The following GRIP1 variants were observed in gnomAD, a reference collection of about 807,000 sequenced individuals.
The protein encoded by GRIP1 is glutamate receptor-interacting protein 1.
A neutral mutation model predicts 129.9 loss-of-function variants in GRIP1; 45 were observed. The observed-to-expected ratio is 0.35, with a 90% CI of 0.27 to 0.44. The LOEUF (loss-of-function observed/expected upper bound fraction) is 0.44. Ranked by LOEUF, GRIP1 falls within the 20% of genes least tolerant of loss-of-function variation. The probability of loss-of-function intolerance (pLI) is 1.00; values close to 1 mark genes in which losing one functional copy is unlikely to be tolerated. For missense variants in GRIP1, 1,196 were observed against 1,396.8 expected, an observed-to-expected ratio of 0.86 and a Z score of 2.29; for synonymous variants, 530 against 520.8, an observed-to-expected ratio of 1.02 and a Z score of -0.24.
At chr12:66,566,509 T>G (rs552684595) in intron 2 of GRIP1, among the ~76,000 whole-genome samples, 170 of 152,226 alleles carry the variant, frequency 1.1e-3, no homozygotes, top group African/African-American at 4.0e-3. Context: ...ATGTGCTGCT[T>G]GATTCAGTTT....
chr12:66,765,252 T>C (rs1447087082), intron 1 of GRIP1, among the ~76,000 whole-genome samples: 1 of 152,132 alleles, frequency 6.6e-6, no homozygotes, highest in Non-Finnish European at 1.5e-5. Flanking sequence ...CTCGGAGTCA[T>C]TTAGGGCAAT....
chr12:66,934,491 T>C (rs1445187223), intron 1 of GRIP1, among the ~76,000 whole-genome samples: 1 of 152,210 alleles, frequency 6.6e-6, no homozygotes, highest in Non-Finnish European at 1.5e-5. Flanking sequence ...AAAGGGGCGA[T>C]ACAGTCCTGG....
At chr12:66,366,890 C>G (rs1204025218) in intron 23 of GRIP1, among the ~76,000 whole-genome samples, 1 of 152,040 alleles carries the variant, frequency 6.6e-6, no homozygotes, top group Non-Finnish European at 1.5e-5. Flanking sequence ...TGCTACATTG[C>G]CCAGGCTGGC....
intron 11 of GRIP1, among the ~76,000 whole-genome samples, chr12:66,449,821 C>G (rs1205442310): frequency 3.3e-5 from 5 of 152,166 alleles, no homozygotes; most frequent in Non-Finnish European, 7.4e-5. Context: ...GTAACTTCCA[C>G]TTATCTTCTA....
chr12:66,393,626 G>A (rs190901923), intron 17 of GRIP1, among the ~76,000 whole-genome samples: 90 of 152,250 alleles, frequency 5.9e-4, no homozygotes, highest in African/African-American at 2.0e-3. Context: ...TATAGGGTTT[G>A]TTATATGTCC....
intron 1 of GRIP1, among the ~76,000 whole-genome samples, chr12:66,881,004 T>C (rs1226435425): frequency 1.3e-5 from 2 of 151,962 alleles, no homozygotes; most frequent in African/African-American, 2.4e-5. Context: ...GTTTTTTTTT[T>C]TTCCTCTCTT....
At chr12:66,901,276 G>A (rs1222558866) in intron 1 of GRIP1, among the ~76,000 whole-genome samples, 2 of 152,188 alleles carry the variant, frequency 1.3e-5, no homozygotes, top group Non-Finnish European at 2.9e-5. Context: ...TTCACATGAT[G>A]AGGGGAACAA....
chr12:66,836,278 C>T (rs1016859890), intron 1 of GRIP1, among the ~76,000 whole-genome samples: 20 of 152,144 alleles, frequency 1.3e-4, no homozygotes, highest in African/African-American at 4.6e-4. Context: ...AGTTCAAGCC[C>T]AGGAACCTCA....
At chr12:66,929,909 A>T (rs568589152) in intron 1 of GRIP1, among the ~76,000 whole-genome samples, 1 of 152,098 alleles carries the variant, frequency 6.6e-6, no homozygotes, top group Non-Finnish European at 1.5e-5. Flanking sequence ...CCTACTTATG[A>T]TTGACTACAT....
At chr12:66,997,330 G>C (rs1360049030) in intron 1 of GRIP1, among the ~76,000 whole-genome samples, 2 of 151,838 alleles carry the variant, frequency 1.3e-5, no homozygotes, top group Non-Finnish European at 2.9e-5. Context: ...TGTAATTCTG[G>C]CTACTTGGAA....
intron 11 of GRIP1, among the ~76,000 whole-genome samples, chr12:66,451,396 T>TGTTTG (rs1565752032): frequency 1.0e-4 from 6 of 58,440 alleles, no homozygotes; most frequent in Admixed American, 1.7e-4. Context: ...TTTTTTTTTT[T>TGTTTG]TTTTTTTTTT....
At chr12:66,583,189 A>G (rs1418047494) in intron 2 of GRIP1, among the ~76,000 whole-genome samples, 1 of 151,090 alleles carries the variant, frequency 6.6e-6, no homozygotes, top group African/African-American at 2.4e-5. Context: ...GGTGCTGGGA[A>G]AACTGGCTAG....
At chr12:66,402,825 A>C (rs138401529) in intron 16 of GRIP1, among the ~76,000 whole-genome samples, 3 of 152,370 alleles carry the variant, frequency 2.0e-5, no homozygotes, top group African/African-American at 7.2e-5. Context: ...TCAAACTTTC[A>C]AAATCAGTGA....
At position 66,348,198 on chromosome 12, in the gene GRIP1, A is replaced by C. The variant is rs867272684; in HGVS notation, c.*821T>G. ...TGAGTTTGGTTTGCCTATCATTAAG[A>C]TGAACCTCATTTTAATAGACTCTTC... On this transcript the variant is annotated 3_prime_UTR_variant, in exon 25 of 25. Coordinates refer to ENST00000359742, the MANE Select transcript of GRIP1 (RefSeq NM_001366722.1). The C allele has an allele frequency of 2.0e-5, 3 of 152,392 alleles. No homozygotes were observed. The highest frequency in any genetic ancestry group is 3.4e-3 in the Middle Eastern group (1 of 294). 9.4% of individuals were successfully genotyped at this position (152,392 alleles called of 1,614,324 possible).
At chr12:66,506,516 G>A (rs1306895007) in intron 7 of GRIP1, among the ~76,000 whole-genome samples, 1 of 152,128 alleles carries the variant, frequency 6.6e-6, no homozygotes, top group Non-Finnish European at 1.5e-5. Context: ...AATCAAGACA[G>A]GGGTTACACA....
At chr12:66,485,743 G>A (rs528953260) in intron 7 of GRIP1, among the ~76,000 whole-genome samples, 10 of 151,656 alleles carry the variant, frequency 6.6e-5, no homozygotes, top group South Asian at 2.1e-4. Flanking sequence ...TGTTGTGCCC[G>A]GTAGAGTCAA....
intron 1 of GRIP1, among the ~76,000 whole-genome samples, chr12:66,646,750 T>C (rs776168778): frequency 6.6e-6 from 1 of 152,170 alleles, no homozygotes; most frequent in African/African-American, 2.4e-5. Context: ...GAAAGTCACA[T>C]ATAAATTCAA....
intron 1 of GRIP1, among the ~76,000 whole-genome samples, chr12:66,939,004 T>C (rs910873480): frequency 4.8e-5 from 7 of 146,520 alleles, no homozygotes; most frequent in Non-Finnish European, 9.1e-5. Context: ...AGGGAGCAGG[T>C]AAAGCGGCTG....
intron 1 of GRIP1, among the ~76,000 whole-genome samples, chr12:66,652,435 G>A (rs1302198713): frequency 6.6e-6 from 1 of 152,192 alleles, no homozygotes; most frequent in Non-Finnish European, 1.5e-5. Flanking sequence ...ACGGAACTGT[G>A]AGTCAATTAA....
Sources: allele counts gnomAD v4.1 joint callset (sites outside exome capture counted in the v4.1 genomes callset), GRCh38; gene constraint gnomAD v4.1.1; transcripts MANE v1.5; gene names NCBI Gene and HGNC (gene_info 2026-07-23, HGNC 2026-07-21).